SCP2: variants seen among roughly 807,000 people sequenced by gnomAD.
The protein encoded by SCP2 is sterol carrier protein 2, also known as SCP-2/3-oxoacyl-CoA thiolase.
A neutral mutation model predicts 71.4 loss-of-function variants in SCP2; 48 were observed. That is an observed-to-expected ratio of 0.67 (90% confidence interval 0.53 to 0.86). The LOEUF is 0.86. Ranked by LOEUF, SCP2 falls within the 40% of genes least tolerant of loss-of-function variation. The pLI is 0.00. For synonymous variants in SCP2, 220 were observed against 218.1 expected (o/e 1.01, Z -0.08); for missense variants, 560 against 655.6 (o/e 0.85, Z 1.59).
At chr1:52,998,393 T>C (rs1346333415) in intron 11 of SCP2, among the ~76,000 whole-genome samples, 1 of 152,098 alleles carries the variant, frequency 6.6e-6, no homozygotes, top group Non-Finnish European at 1.5e-5. Context: ...GCCAGGAATT[T>C]GAGACCGGCC....
chr1:52,964,545 A>G (rs1263980620), intron 6 of SCP2, among the ~76,000 whole-genome samples: 1 of 152,116 alleles, frequency 6.6e-6, no homozygotes, highest in African/African-American at 2.4e-5. Flanking sequence ...TTTTAGAGGT[A>G]TATTGTAATA....
intron 6 of SCP2, among the ~76,000 whole-genome samples, chr1:52,969,616 G>A (rs1657275954): frequency 6.6e-6 from 1 of 152,222 alleles, no homozygotes; most frequent in Non-Finnish European, 1.5e-5. Context: ...GAGGTCTGGA[G>A]TTCAAGACCA....
At chr1:52,941,210 A>C (rs1654205737) in intron 1 of SCP2, among the ~76,000 whole-genome samples, 1 of 151,952 alleles carries the variant, frequency 6.6e-6, no homozygotes, top group African/African-American at 2.4e-5. Context: ...TAAGAACTTA[A>C]TTTAAATGGC....
intron 11 of SCP2, among the ~76,000 whole-genome samples, chr1:53,004,928 T>C (rs1660535034): frequency 1.3e-5 from 2 of 152,202 alleles, no homozygotes; most frequent in African/African-American, 4.8e-5. Flanking sequence ...CCCACCCTAA[T>C]ACTGCGCTTT....
intron 13 of SCP2, among the ~76,000 whole-genome samples, chr1:53,030,371 A>G (rs1012196911): frequency 1.3e-5 from 2 of 152,234 alleles, no homozygotes; most frequent in Admixed American, 6.5e-5. Context: ...ATAAAGGAGG[A>G]AAATTGTTGG....
intron 14 of SCP2, among the ~76,000 whole-genome samples, chr1:53,041,135 G>T (rs548042637): frequency 1.7e-3 from 266 of 152,268 alleles, no homozygotes; most frequent in Non-Finnish European, 3.0e-3. Flanking sequence ...TGGGCACGGT[G>T]GCTCACGCCT....
At chr1:52,956,354 A>G (rs926773166) in intron 5 of SCP2, among the ~76,000 whole-genome samples, 1 of 152,186 alleles carries the variant, frequency 6.6e-6, no homozygotes, top group African/African-American at 2.4e-5. Context: ...CTAAGATTAT[A>G]CTATTATCTA....
chr1:52,946,483 A>G (rs1053762211), intron 2 of SCP2, among the ~76,000 whole-genome samples: 3 of 152,104 alleles, frequency 2.0e-5, no homozygotes, highest in Non-Finnish European at 4.4e-5. Flanking sequence ...CCTAAAGTAC[A>G]GTAAGCCACT....
At chr1:53,034,010 T>G (rs982563590) in intron 13 of SCP2, among the ~76,000 whole-genome samples, 1 of 152,164 alleles carries the variant, frequency 6.6e-6, no homozygotes, top group Non-Finnish European at 1.5e-5. Flanking sequence ...ATGCCTGTAA[T>G]CCCAGCACTT....
chr1:53,021,258 C>A (rs1315285091), intron 12 of SCP2, among the ~76,000 whole-genome samples: 2 of 151,322 alleles, frequency 1.3e-5, no homozygotes, highest in Non-Finnish European at 2.9e-5. Context: ...ATCCACCTGC[C>A]TTGGCCTCCC....
At chr1:53,036,569 T>TTA (rs571557040) in intron 13 of SCP2, among the ~76,000 whole-genome samples, 14 of 148,640 alleles carry the variant, frequency 9.4e-5, no homozygotes, top group South Asian at 4.2e-4. Flanking sequence ...TATATAAATC[T>TTA]TATATATATA....
At chr1:52,957,779 T>C (rs965371746) in intron 5 of SCP2, among the ~76,000 whole-genome samples, 1 of 152,284 alleles carries the variant, frequency 6.6e-6, no homozygotes, top group Admixed American at 6.5e-5. Context: ...ACATGTGTTT[T>C]ACATGTAGGT....
intron 9 of SCP2, 71 bp from the exon 10 acceptor site, chr1:52,980,325 T>TA (rs1176590351): frequency 7.1e-7 from 1 of 1,401,554 alleles, no homozygotes. Context: ...ATGCATCTAT[T>TA]AATCTCTTAA....
intron 6 of SCP2, among the ~76,000 whole-genome samples, chr1:52,973,555 C>G (rs1052110990): frequency 2.6e-5 from 4 of 152,104 alleles, no homozygotes; most frequent in African/African-American, 9.7e-5. Context: ...TCTTATTGAA[C>G]CCATATTGGC....
At chr1:53,027,556 GTGCAATGGTGCCATCTCGGCTCAC>G (rs986655862) in intron 12 of SCP2, among the ~76,000 whole-genome samples, 2 of 152,142 alleles carry the variant, frequency 1.3e-5, no homozygotes, top group African/African-American at 2.4e-5. Context: ...CCAGCATGGA[GTGCAATGGTGCCATCTCGGCTCAC>G]TGCAACCTCC....
intron 1 of SCP2, among the ~76,000 whole-genome samples, chr1:52,935,764 C>T (rs546623876): frequency 1.3e-5 from 2 of 151,660 alleles, no homozygotes; most frequent in East Asian, 3.9e-4. Flanking sequence ...ATGGCAAGAC[C>T]CCGTCTCTAC....
At chr1:53,014,561 C>G (rs1661203940) in intron 11 of SCP2, among the ~76,000 whole-genome samples, 1 of 152,112 alleles carries the variant, frequency 6.6e-6, no homozygotes, top group Non-Finnish European at 1.5e-5. Context: ...ATGTGAACTT[C>G]CAAATCCTTG....
At chr1:53,026,208 T>A (rs1662119787) in intron 12 of SCP2, among the ~76,000 whole-genome samples, 2 of 152,252 alleles carry the variant, frequency 1.3e-5, no homozygotes, top group African/African-American at 2.4e-5. Context: ...ATCAAATCAG[T>A]ATACTTGGGA....
At chr1:53,025,819 A>G (rs1053597150) in intron 12 of SCP2, among the ~76,000 whole-genome samples, 2 of 152,138 alleles carry the variant, frequency 1.3e-5, no homozygotes, top group African/African-American at 4.8e-5. Context: ...CACAAATCAA[A>G]CAATTTCACT....
Sources: gnomAD v4.1 joint callset for allele counts (sites outside exome capture counted in the v4.1 genomes callset) on GRCh38, gnomAD v4.1.1 for gene constraint, MANE v1.5 for transcripts, NCBI Gene and HGNC (gene_info 2026-07-23, HGNC 2026-07-21) for gene names.